The following ZMIZ1 variants were observed in gnomAD, a reference collection of about 807,000 sequenced individuals.
The protein encoded by ZMIZ1 is zinc finger MIZ-type containing 1.
In ZMIZ1, 17 loss-of-function variants were observed where a neutral mutation model predicts 113.9. The ratio of observed to expected loss-of-function variants is 0.15; its 90% CI spans 0.10 to 0.22. The LOEUF (loss-of-function observed/expected upper bound fraction) is 0.22. Ranked by LOEUF, ZMIZ1 falls within the 10% of genes least tolerant of loss-of-function variation. The pLI is 1.00. For missense variants in ZMIZ1, 1,059 were observed against 1,477.8 expected, an observed-to-expected ratio of 0.72 and a Z score of 4.65; for synonymous variants, 607 against 603.1, an observed-to-expected ratio of 1.01 and a Z score of -0.09.
chr10:79,071,224 C>T (rs1362224997), intron 1 of ZMIZ1, among the ~76,000 whole-genome samples: 2 of 152,224 alleles, frequency 1.3e-5, no homozygotes, highest in African/African-American at 4.8e-5. Flanking sequence ...GAAGGATTTT[C>T]TTGAGCAACA....
At chr10:79,117,863 A>G (rs1267596452) in intron 1 of ZMIZ1, among the ~76,000 whole-genome samples, 2 of 152,204 alleles carry the variant, frequency 1.3e-5, no homozygotes, top group African/African-American at 4.8e-5. Flanking sequence ...CAGGGGAAGT[A>G]GAGCCATGAG....
At chr10:79,096,442 G>A (rs983692294) in intron 1 of ZMIZ1, among the ~76,000 whole-genome samples, 3 of 152,146 alleles carry the variant, frequency 2.0e-5, no homozygotes, top group African/African-American at 7.2e-5. Context: ...AACCCGGGAG[G>A]CGGAGCTTGC....
At chr10:79,070,147 G>GC (rs1491091523) in intron 1 of ZMIZ1, among the ~76,000 whole-genome samples, 46 of 117,574 alleles carry the variant, frequency 3.9e-4, no homozygotes, top group African/African-American at 1.5e-3. Context: ...AGCCGGGGTC[G>GC]GGGGGGGGAG....
At position 79,094,146 on chromosome 10, in the gene ZMIZ1, C is replaced by T. The variant is rs554330683; in HGVS notation, c.-336-24769C>T. On this transcript the variant is annotated intron_variant, in intron 1 of 24. Transcript: ENST00000334512. ...GAAAGGGCCTAATTGAGTAAGAGAG[C>T]GCTGCTGCTGGAAATGCCAAGGAAC... Among the ~76,000 whole-genome samples, 5 of 152,348 alleles carry T rather than the reference C, an allele frequency of 3.3e-5. No individual in the cohort carries two copies. The East Asian group carries it at 5.8e-4, about 18-fold the overall frequency.
In ZMIZ1 at chr10:79,216,198, C is replaced by A; in HGVS notation, c.204C>A (p.Gly68=). The change falls in exon 7 of 25, where the codon GGC becomes GGA. Residue 68 remains glycine, a synonymous_variant. Coordinates refer to ENST00000334512, the MANE Select transcript of ZMIZ1 (RefSeq NM_020338.4). ...TCAGTCGGGTGGCAGCCCAGCAAGG[C>A]TTTGACCTGGACCTCGGCTACAGAC... ...TVVSRVAAQQ[G]FDLDLGYRLL... 6.4e-7 allele frequency: 1 copy of A among 1,552,516 alleles called. No individual in the cohort carries two copies.
At chr10:79,107,483 A>G (rs1180103101) in intron 1 of ZMIZ1, among the ~76,000 whole-genome samples, 1 of 152,206 alleles carries the variant, frequency 6.6e-6, no homozygotes, top group Non-Finnish European at 1.5e-5. Context: ...TGGTGTTCAC[A>G]GAGGTGGATT....
At chr10:79,117,946 T>C (rs994953775) in intron 1 of ZMIZ1, among the ~76,000 whole-genome samples, 2 of 152,206 alleles carry the variant, frequency 1.3e-5, no homozygotes, top group Non-Finnish European at 2.9e-5. Context: ...TATTGCCTTC[T>C]CCTTTTCCCA....
At chr10:79,256,370 C>T (rs1482616476) in intron 7 of ZMIZ1, among the ~76,000 whole-genome samples, 2 of 152,170 alleles carry the variant, frequency 1.3e-5, no homozygotes, top group African/African-American at 2.4e-5. Context: ...TAGCCTTCCC[C>T]ACTATCTCCC....
rs901474185 is a variant in ZMIZ1 at position 79,315,859 on chromosome 10, CA to C, written c.*3120del. On this transcript the variant is annotated 3_prime_UTR_variant, in exon 25 of 25. Transcript: ENST00000334512. ...TTTTATTTTGCGAAACAAAACAAAA[CA>C]AAAAAAAAAGCTTGGAACTCCATCA... The C allele has an allele frequency of 1.0e-4, 15 of 144,210 alleles. No homozygotes were observed. The highest frequency in any genetic ancestry group is 2.0e-4 in the East Asian group (1 of 5,118). The allele number at this position is 144,210 out of a possible 1,614,324, so 8.9% of individuals were successfully genotyped here.
intron 7 of ZMIZ1, among the ~76,000 whole-genome samples, chr10:79,245,622 C>G (rs2132856695): frequency 1.3e-5 from 2 of 152,212 alleles, no homozygotes; most frequent in Admixed American, 1.3e-4. Context: ...GAGATGAGTC[C>G]CTAGTCTGGA....
At chr10:79,309,564 C>A (rs938761747) in intron 23 of ZMIZ1, among the ~76,000 whole-genome samples, 1 of 152,206 alleles carries the variant, frequency 6.6e-6, no homozygotes, top group South Asian at 2.1e-4. Context: ...GGGCACTGTG[C>A]TCCCTAAGGC....
chr10:79,117,850 G>A (rs1274211813), intron 1 of ZMIZ1, among the ~76,000 whole-genome samples: 2 of 152,174 alleles, frequency 1.3e-5, no homozygotes, highest in Non-Finnish European at 2.9e-5. Flanking sequence ...CAGGCCCCCA[G>A]GTCAGGGGAA....
At chr10:79,135,264 T>C (rs1452376874) in intron 2 of ZMIZ1, among the ~76,000 whole-genome samples, 1 of 152,052 alleles carries the variant, frequency 6.6e-6, no homozygotes, top group Non-Finnish European at 1.5e-5. Flanking sequence ...AGCAGTGACC[T>C]GGGGCAAGGT....
chr10:79,243,448 G>T lies in ZMIZ1; in HGVS notation c.280+27174G>T, dbSNP rs576869400. On this transcript the variant is annotated intron_variant, in intron 7 of 24. Coordinates refer to ENST00000334512, the MANE Select transcript of ZMIZ1 (RefSeq NM_020338.4). ...GATGAATAATTGATGTGTGCGGTGC[G>T]GTAGCCGGACGGCGGCGGCGGTGGC... Among the ~76,000 whole-genome samples the T allele has an allele frequency of 3.4e-5, 5 of 149,154 alleles. No individual in the cohort carries two copies. The East Asian group carries it at 7.8e-4, about 23-fold the overall frequency.
intron 3 of ZMIZ1, among the ~76,000 whole-genome samples, chr10:79,156,641 T>G (rs1352420145): frequency 6.6e-6 from 1 of 152,206 alleles, no homozygotes; most frequent in African/African-American, 2.4e-5. Flanking sequence ...CAGTGCCTAC[T>G]GTCTGCTGGA....
chr10:79,250,765 T>G (rs893617873), intron 7 of ZMIZ1, among the ~76,000 whole-genome samples: 2 of 152,138 alleles, frequency 1.3e-5, no homozygotes, highest in African/African-American at 4.8e-5. Flanking sequence ...ATAAGGACTG[T>G]GAGTCCAGCC....
chr10:79,298,358 C>T (rs1455997603), intron 14 of ZMIZ1, 48 bp from the exon 15 acceptor site: 1 of 1,577,438 alleles, frequency 6.3e-7, no homozygotes, highest in African/African-American at 1.4e-5. Context: ...ATGGCCCCTT[C>T]TGTCTCCGTA....
intron 1 of ZMIZ1, among the ~76,000 whole-genome samples, chr10:79,078,717 G>GTTTTTTTTTT (rs781149546): frequency 7.4e-5 from 4 of 53,898 alleles, no homozygotes; most frequent in African/African-American, 3.1e-4. Context: ...GCTAATTTTT[G>GTTTTTTTTTT]TATTTTTTTT....
rs369818551 is a variant in ZMIZ1 at position 79,114,494 on chromosome 10, CGTGTGTGT to C, written c.-336-4417_-336-4410del. On this transcript the variant is annotated intron_variant, in intron 1 of 24. Transcript: ENST00000334512. Reference sequence around the variant, plus strand: ...GTGTGTGTCTGTGTGTGTGTGTGTGCGTGTGTGTGTGCGTGTGTGTGTGTGTGTGTGTG... The same window carrying C: ...GTGTGTGTCTGTGTGTGTGTGTGTGCGTGCGTGTGTGTGTGTGTGTGTGTG... Among the ~76,000 whole-genome samples the C allele has an allele frequency of 6.9e-3, 791 of 114,378 alleles. 8 individuals carry two copies. Among genetic ancestry groups the C allele is most frequent in the Middle Eastern group, 0.017 (4 of 234 alleles). The allele number at this position is 114,378 out of a possible 152,430, so 75.0% of individuals were successfully genotyped here.
Sources: allele counts gnomAD v4.1 joint callset (sites outside exome capture counted in the v4.1 genomes callset), GRCh38; gene constraint gnomAD v4.1.1; transcripts MANE v1.5; gene names NCBI Gene and HGNC (gene_info 2026-07-23, HGNC 2026-07-21).